RUNX1T1: variants seen among roughly 807,000 people sequenced by gnomAD.
The protein encoded by RUNX1T1 is RUNX1 partner transcriptional co-repressor 1.
A neutral mutation model predicts 62.8 loss-of-function variants in RUNX1T1; 4 were observed. The observed-to-expected ratio is 0.06, with a 90% confidence interval of 0.03 to 0.15. The LOEUF (loss-of-function observed/expected upper bound fraction) is 0.15, where lower values mean the gene tolerates loss of function less well. RUNX1T1 is among the 10% of genes least tolerant of loss of function. The pLI is 1.00. For synonymous variants in RUNX1T1, 291 were observed against 286.0 expected (o/e 1.02, Z -0.18); for missense variants, 508 against 754.3 (o/e 0.67, Z 3.82).
chr8:91,979,765 C>T (rs918154887), intron 8 of RUNX1T1: 26 of 505,766 alleles, frequency 5.1e-5, no homozygotes, highest in Non-Finnish European at 9.2e-5. Flanking sequence ...ATGGAAGATG[C>T]ACTACACTTA....
At chr8:91,976,977 T>C (rs1164357376) in intron 8 of RUNX1T1, among the ~76,000 whole-genome samples, 1 of 152,200 alleles carries the variant, frequency 6.6e-6, no homozygotes, top group Non-Finnish European at 1.5e-5. Context: ...GTAGCATATA[T>C]TTTTAAATGC....
intron 4 of RUNX1T1, chr8:92,010,501 CAG>C (rs1197264231): frequency 2.0e-5 from 3 of 152,360 alleles, no homozygotes; most frequent in African/African-American, 7.2e-5. Flanking sequence ...AAGCTCACAG[CAG>C]AGACTTAAAA....
At chr8:92,083,673 T>C (rs1402326763) in intron 1 of RUNX1T1, among the ~76,000 whole-genome samples, 2 of 152,180 alleles carry the variant, frequency 1.3e-5, no homozygotes, top group Non-Finnish European at 2.9e-5. Flanking sequence ...AGTTCAACCA[T>C]TGTGAAAGAC....
intron 1 of RUNX1T1, among the ~76,000 whole-genome samples, chr8:92,041,069 C>T (rs575084064): frequency 6.6e-6 from 1 of 152,274 alleles, no homozygotes; most frequent in East Asian, 1.9e-4. Flanking sequence ...TGCCAGTTAT[C>T]TTGCTAAGTG....
intron 8 of RUNX1T1, among the ~76,000 whole-genome samples, chr8:91,976,947 A>G (rs148925367): frequency 6.6e-6 from 1 of 152,346 alleles, no homozygotes; most frequent in African/African-American, 2.4e-5. Flanking sequence ...AATTTTCTCT[A>G]TGTGTACAGT....
chr8:91,986,504 A>G (rs938430974), intron 7 of RUNX1T1, among the ~76,000 whole-genome samples, 179 bp from the exon 9 acceptor site: 3 of 152,216 alleles, frequency 2.0e-5, no homozygotes, highest in Admixed American at 1.3e-4. Flanking sequence ...GGAAAATTCA[A>G]TGGGAATGAG....
intron 5 of RUNX1T1, among the ~76,000 whole-genome samples, chr8:91,999,892 G>C (rs1249640357): frequency 6.6e-6 from 1 of 152,196 alleles, no homozygotes; most frequent in Non-Finnish European, 1.5e-5. Flanking sequence ...GGCGTGAGGA[G>C]TATGCAGTAA....
At chr8:92,060,550 T>TA (rs1831798719) in intron 1 of RUNX1T1, among the ~76,000 whole-genome samples, 1 of 124,302 alleles carries the variant, frequency 8.0e-6, no homozygotes, top group Non-Finnish European at 1.7e-5. Context: ...TATATATATA[T>TA]ATATGTGTGT....
chr8:92,005,738 A>C (rs1351736418), intron 4 of RUNX1T1: 3 of 153,702 alleles, frequency 2.0e-5, no homozygotes, highest in Non-Finnish European at 2.9e-5. Context: ...CTGGTGACTC[A>C]CAAAGGTCAA....
chr8:91,964,576 C>T (rs1811185006), intron 10 of RUNX1T1, among the ~76,000 whole-genome samples: 1 of 152,004 alleles, frequency 6.6e-6, no homozygotes, highest in Non-Finnish European at 1.5e-5. Context: ...AAACTGGGAC[C>T]CTCAAAATAA....
At chr8:92,062,399 T>C in intron 1 of RUNX1T1, 1 of 868,486 alleles carries the variant, frequency 1.2e-6, no homozygotes, top group South Asian at 1.4e-5. Flanking sequence ...TTATGCTACC[T>C]TCCAATCACA....
At chr8:91,984,013 A>T (rs573292236) in intron 8 of RUNX1T1, among the ~76,000 whole-genome samples, 43 of 152,366 alleles carry the variant, frequency 2.8e-4, no homozygotes, top group Middle Eastern at 6.8e-3. Flanking sequence ...GACAATAAAG[A>T]ACATAATGTC....
intron 6 of RUNX1T1, among the ~76,000 whole-genome samples, chr8:91,990,412 G>A (rs1276312570): frequency 6.6e-6 from 1 of 152,130 alleles, no homozygotes; most frequent in African/African-American, 2.4e-5. Context: ...GTGGACACAG[G>A]AGATGGAAAA....
At chr8:91,981,433 T>C (rs893836671) in intron 8 of RUNX1T1, among the ~76,000 whole-genome samples, 1 of 125,660 alleles carries the variant, frequency 8.0e-6, no homozygotes, top group African/African-American at 2.8e-5. Flanking sequence ...TTTTTTTTTT[T>C]TGAGGCAGTC....
chr8:92,081,233 C>T (rs1245614504), intron 1 of RUNX1T1: 1 of 944,132 alleles, frequency 1.1e-6, no homozygotes, highest in Non-Finnish European at 1.3e-6. Flanking sequence ...AAAGCGCCTA[C>T]CTTAGTGCTC....
intron 6 of RUNX1T1, among the ~76,000 whole-genome samples, chr8:91,990,033 C>T (rs1563687382): frequency 6.6e-6 from 1 of 152,192 alleles, no homozygotes; most frequent in Non-Finnish European, 1.5e-5. Context: ...CACCCTGACT[C>T]TCTTTCTGCT....
intron 2 of RUNX1T1, among the ~76,000 whole-genome samples, chr8:92,068,341 T>C (rs567177444): frequency 6.6e-6 from 1 of 152,156 alleles, no homozygotes; most frequent in Non-Finnish European, 1.5e-5. Context: ...TCTTGACTAA[T>C]GGCGAGTTAG....
At chr8:92,041,126 T>C (rs1394295972) in intron 1 of RUNX1T1, among the ~76,000 whole-genome samples, 1 of 152,174 alleles carries the variant, frequency 6.6e-6, no homozygotes, top group African/African-American at 2.4e-5. Context: ...GACAATGCAA[T>C]AGATCTTATT....
intron 1 of RUNX1T1, among the ~76,000 whole-genome samples, chr8:92,046,735 T>C (rs746402890): frequency 7.9e-5 from 12 of 152,122 alleles, no homozygotes; most frequent in Non-Finnish European, 1.2e-4. Context: ...GTATCTTATA[T>C]CTAAAATGAG....
Sources: gnomAD v4.1 joint callset for allele counts (sites outside exome capture counted in the v4.1 genomes callset) on GRCh38, gnomAD v4.1.1 for gene constraint, MANE v1.5 for transcripts, NCBI Gene and HGNC (gene_info 2026-07-23, HGNC 2026-07-21) for gene names.